PLBD2: variants seen among roughly 807,000 people sequenced by gnomAD.
PLBD2 encodes phospholipase B domain containing 2, also known as putative aminopeptidase PLBD2.
PLBD2 carries 51 observed loss-of-function variants against 68.3 expected under a neutral mutation model. That is an observed-to-expected ratio of 0.75 (90% CI 0.60 to 0.94). PLBD2 has a LOEUF of 0.94. PLBD2 is among the 40% of genes least tolerant of loss of function. PLBD2 has a pLI of 0.00. For synonymous variants in PLBD2, 314 were observed against 339.3 expected (o/e 0.93, Z 0.82); for missense variants, 729 against 792.2 (o/e 0.92, Z 0.96).
Position 113,374,523 on chromosome 12 carries a change from G to T in PLBD2, c.593G>T (p.Gly198Val). Residue 198 changes from glycine (G) to valine (V), a missense_variant, in exon 4 of 12, where the codon GGC (glycine) becomes GTC (valine). Coordinates refer to ENST00000280800, the MANE Select transcript of PLBD2 (RefSeq NM_173542.4). ...QLKGLEDSYE[G>V]RVSFPAGKFT... ...AAAGGCCTGGAGGACAGCTACGAAG[G>T]CCGTGTGAGCTTCCCAGCTGGGAAG... The T allele has an allele frequency of 6.2e-7, 1 of 1,607,234 alleles. No homozygotes were observed.
At chr12:113,365,737 A>G (rs1424496239) in intron 1 of PLBD2, among the ~76,000 whole-genome samples, 2 of 152,106 alleles carry the variant, frequency 1.3e-5, no homozygotes, top group East Asian at 3.9e-4. Context: ...CTGGCCCCAA[A>G]GTACTTTGCT....
At chr12:113,385,572 A>G (rs1957543353) in intron 9 of PLBD2, among the ~76,000 whole-genome samples, 1 of 152,136 alleles carries the variant, frequency 6.6e-6, no homozygotes, top group Non-Finnish European at 1.5e-5. Context: ...TGGGCTGTAC[A>G]GCTGTCACCT....
In PLBD2 at chr12:113,383,199, T is replaced by C. The variant is rs1212813545; in HGVS notation, c.958-906T>C. 3.3e-5 allele frequency among the ~76,000 whole-genome samples: 5 copies of C among 152,322 alleles called. No individual in the cohort carries two copies. In the East Asian group the frequency reaches 9.7e-4, roughly 29 times the overall value. On this transcript the variant is annotated intron_variant, in intron 6 of 11. Transcript: ENST00000280800. The stretch of plus-strand genomic sequence containing the variant: ...GGGCCTCTCCTGTTGTAAGGCCTCC[T>C]AGTCCTCTGACTGCTGCATCTGCCA...
chr12:113,374,646 C>T, intron 4 of PLBD2, 72 bp downstream of exon 4: 1 of 1,457,952 alleles, frequency 6.9e-7, no homozygotes, highest in Non-Finnish European at 9.4e-7. Flanking sequence ...GACCTGGGTT[C>T]CAGCATCAAC....
At chr12:113,366,315 C>T (rs1438620268) in intron 1 of PLBD2, among the ~76,000 whole-genome samples, 3 of 150,796 alleles carry the variant, frequency 2.0e-5, no homozygotes, top group African/African-American at 4.8e-5. Context: ...AAAATGCTTC[C>T]CCCCGCTAGT....
intron 1 of PLBD2, among the ~76,000 whole-genome samples, chr12:113,367,650 G>A (rs914569644): frequency 9.3e-5 from 14 of 151,094 alleles, no homozygotes; most frequent in South Asian, 4.2e-4. Context: ...CTCAGGAGGC[G>A]TAGGTGGAAG....
chr12:113,373,286 C>A (rs919365868), intron 3 of PLBD2, among the ~76,000 whole-genome samples: 3 of 152,252 alleles, frequency 2.0e-5, no homozygotes, highest in African/African-American at 7.2e-5. Flanking sequence ...AGGCTCTCTG[C>A]CTTTGGGCCA....
chr12:113,385,537 G>C (rs1362533003), intron 9 of PLBD2, among the ~76,000 whole-genome samples: 1 of 152,198 alleles, frequency 6.6e-6, no homozygotes, highest in Non-Finnish European at 1.5e-5. Flanking sequence ...GCCCCTGCCA[G>C]GGTCTCTGAC....
At chr12:113,359,273 G>A in intron 1 of PLBD2, 1 of 195,808 alleles carries the variant, frequency 5.1e-6, no homozygotes. Flanking sequence ...ATGGAGGCCA[G>A]CCCCCTGTCC....
Position 113,388,599 on chromosome 12 carries a change from C to T in PLBD2, c.1743C>T (p.Phe581=), listed in dbSNP as rs749081232. The stretch of plus-strand genomic sequence containing the variant: ...TGGGCCAGCCAGACCTCTGGAAGTT[C>T]GCGCCTGTCAAGGTTTCATGGGACT... ...LHMGQPDLWK[F]APVKVSWD The change falls in exon 12 of 12, where the codon TTC becomes TTT. Residue 581 remains phenylalanine (F), a synonymous_variant. Coordinates refer to ENST00000280800, the MANE Select transcript of PLBD2 (RefSeq NM_173542.4). 4.3e-5 allele frequency: 69 copies of T among 1,596,350 alleles called. No individual in the cohort carries two copies. Among genetic ancestry groups the T allele is most frequent in the South Asian group, 1.3e-4 (12 of 89,794 alleles).
intron 8 of PLBD2, 76 bp downstream of exon 8, chr12:113,385,022 G>A (rs1263930455): frequency 6.9e-7 from 1 of 1,443,040 alleles, no homozygotes; most frequent in Non-Finnish European, 9.6e-7. Context: ...AGCCGTGCTG[G>A]CGCTGTGCAG....
At chr12:113,360,384 G>A (rs1427871993) in intron 1 of PLBD2, among the ~76,000 whole-genome samples, 2 of 152,356 alleles carry the variant, frequency 1.3e-5, no homozygotes, top group East Asian at 3.9e-4. Context: ...TTCAGGCGAG[G>A]AGGGGCAGGA....
chr12:113,367,586 C>CA (rs1037615282), intron 1 of PLBD2, among the ~76,000 whole-genome samples: 5 of 151,808 alleles, frequency 3.3e-5, no homozygotes, highest in African/African-American at 1.2e-4. Context: ...CCCGTCTCTA[C>CA]AAAAAATACC....
chr12:113,372,635 C>G lies in PLBD2; in HGVS notation c.385-14C>G, dbSNP rs1688976421. On this transcript the variant is annotated splice_polypyrimidine_tract_variant and intron_variant, in intron 2 of 11. Transcript: ENST00000280800. This position sits in a 1 kb window ranked among gnomAD's most constrained non-coding sequence, Gnocchi z 4.2. ...AGCTGCCCGCCCTTGCCTCGCCCAC[C>G]CCCTACCCCACAGCTCATCTACATG... 3.1e-6 allele frequency: 5 copies of G among 1,610,750 alleles called. No homozygotes were observed. Among genetic ancestry groups the G allele is most frequent in the Non-Finnish European group, 4.2e-6 (5 of 1,177,706 alleles).
At position 113,380,838 on chromosome 12, in the gene PLBD2, G is replaced by A; in HGVS notation, c.953G>A (p.Gly318Glu). The A allele has an allele frequency of 6.4e-7, 1 of 1,553,742 alleles. No individual in the cohort carries two copies. Reference protein sequence around the residue: ...SCDDFYILGSGLVTLETTIGN... With the variant: ...SCDDFYILGSELVTLETTIGN... ...GACGACTTCTACATCCTGGGCAGTG[G>A]GCTGGTGAGTCCCTTTCTCATGTCT... The change falls in exon 6 of 12, where the codon GGG becomes GAG. Residue 318 changes from glycine (G) to glutamate (E), a missense_variant. Coordinates refer to ENST00000280800, the MANE Select transcript of PLBD2 (RefSeq NM_173542.4).
chr12:113,378,280 G>A (rs1338112377), intron 5 of PLBD2, among the ~76,000 whole-genome samples: 2 of 150,782 alleles, frequency 1.3e-5, no homozygotes, highest in Non-Finnish European at 2.9e-5. Flanking sequence ...CAACAGAGTC[G>A]GCCTCTGTCT....
rs779007460 is a variant in PLBD2, at chr12:113,387,940, TGGG to T, written c.1602+37_1602+39del. On this transcript the variant is annotated intron_variant, in intron 11 of 11. Transcript: ENST00000280800. ...TCCTCCCTAGGGCCTGAGCTGTGGGTGGGGGAAGTCACCATCACCAGCTTTGGG... is the reference window on the plus strand; with the variant it reads ...TCCTCCCTAGGGCCTGAGCTGTGGGTGGAAGTCACCATCACCAGCTTTGGG... 1.9e-6 allele frequency: 3 copies of T among 1,606,532 alleles called. No individual in the cohort carries two copies. In the East Asian group the frequency reaches 6.7e-5, roughly 36 times the overall value.
chr12:113,368,609 T>C (rs1957361550), intron 1 of PLBD2, among the ~76,000 whole-genome samples: 1 of 152,180 alleles, frequency 6.6e-6, no homozygotes, highest in South Asian at 2.1e-4. Flanking sequence ...GGAAGGATAC[T>C]TGGCCATTGG....
Position 113,384,351 on chromosome 12 carries a change from A to T in PLBD2, c.1118+86A>T. On this transcript the variant is annotated intron_variant, in intron 7 of 11. Coordinates refer to ENST00000280800, the MANE Select transcript of PLBD2 (RefSeq NM_173542.4). The surrounding 1 kb of genome is among the most constrained non-coding windows in gnomAD (Gnocchi z 4.2). ...TAACACTCACACTCCTGGGGACCAG[A>T]TGTGGCATCCGGGCCACACACCCCA... 1 of 1,480,868 alleles carries T rather than the reference A, an allele frequency of 6.8e-7. No individual in the cohort carries two copies. The highest frequency in any genetic ancestry group is 9.1e-7 in the Non-Finnish European group (1 of 1,100,140). 91.7% of individuals were successfully genotyped at this position (1,480,868 alleles called of 1,614,324 possible).
Sources: gnomAD v4.1 joint callset for allele counts (sites outside exome capture counted in the v4.1 genomes callset) on GRCh38, gnomAD v4.1.1 for gene constraint, Gnocchi (gnomAD v3.1) non-coding constraint, MANE v1.5 for transcripts, NCBI Gene and HGNC (gene_info 2026-07-23, HGNC 2026-07-21) for gene names.